The following CCBE1 variants were observed in gnomAD, a reference collection of about 807,000 sequenced individuals.
CCBE1 encodes the protein collagen and calcium-binding EGF domain-containing protein 1.
Under a neutral mutation model 50.0 loss-of-function variants are expected in CCBE1, and 37 were observed. The ratio of observed to expected loss-of-function variants is 0.74; its 90% CI spans 0.57 to 0.97. The LOEUF is 0.97. Among genes scored for constraint, CCBE1 ranks in the 50% least tolerant of loss-of-function variants. The pLI, the probability that CCBE1 is intolerant of heterozygous loss-of-function variation, is 0.00. For missense variants in CCBE1, 538 were observed against 523.8 expected, an observed-to-expected ratio of 1.03 and a Z score of -0.26; for synonymous variants, 234 against 203.7, an observed-to-expected ratio of 1.15 and a Z score of -1.27.
At position 59,469,520 on chromosome 18, in the gene CCBE1, C is replaced by T. The variant is rs115982879; in HGVS notation, c.353G>A (p.Arg118Gln). Reference sequence around the variant, plus strand: ...CTTCCGGTGTCTCTCCCGGTCATATCGGTATCCCGGATAACAAGTACACAG... The same window carrying T: ...CTTCCGGTGTCTCTCCCGGTCATATTGGTATCCCGGATAACAAGTACACAG... ...RVLCTCYPGY[R>Q]YDRERHRKRE... The change falls in exon 4 of 11, where the codon CGA becomes CAA. Residue 118 changes from arginine (R) to glutamine (Q), a missense_variant. Arg to Gln is a conservative substitution (Grantham distance 43). Coordinates refer to ENST00000439986, the MANE Select transcript of CCBE1 (RefSeq NM_133459.4). 6.8e-6 allele frequency: 11 copies of T among 1,614,200 alleles called. No homozygotes were observed. The highest frequency in any genetic ancestry group is 5.5e-5 in the South Asian group (5 of 91,080).
rs146267853 is a variant in CCBE1, at chr18:59,662,809, T to C, written c.212+33820A>G. Among the ~76,000 whole-genome samples the C allele has an allele frequency of 8.1e-4, 123 of 152,342 alleles. 2 individuals carry two copies. In the East Asian group the frequency reaches 0.021, roughly 26 times the overall value. ...AGGTAATACATAAAAAGGTGCTTTATACATTCTAAAATCCTGTGCAAACAT... is the reference window on the plus strand; with the variant it reads ...AGGTAATACATAAAAAGGTGCTTTACACATTCTAAAATCCTGTGCAAACAT... On this transcript the variant is annotated intron_variant, in intron 2 of 10. Transcript: ENST00000439986.
chr18:59,656,374 T>G (rs544388358), intron 2 of CCBE1, among the ~76,000 whole-genome samples: 267 of 152,360 alleles, frequency 1.8e-3, no homozygotes, highest in Non-Finnish European at 3.1e-3. Context: ...CTTATTTCAC[T>G]GCAGAACATG....
At chr18:59,613,517 A>G (rs1451364673) in intron 2 of CCBE1, among the ~76,000 whole-genome samples, 1 of 152,216 alleles carries the variant, frequency 6.6e-6, no homozygotes, top group Admixed American at 6.5e-5. Flanking sequence ...TACAAATTAC[A>G]CTCAATGTTT....
At chr18:59,452,550 A>G (rs1383036996) in intron 6 of CCBE1, among the ~76,000 whole-genome samples, 2 of 152,168 alleles carry the variant, frequency 1.3e-5, no homozygotes, top group Non-Finnish European at 2.9e-5. Context: ...CAGAGATCAC[A>G]CCACTGCACT....
At chr18:59,638,687 G>T (rs1555701527) in intron 2 of CCBE1, among the ~76,000 whole-genome samples, 1 of 152,132 alleles carries the variant, frequency 6.6e-6, no homozygotes, top group Non-Finnish European at 1.5e-5. Context: ...CAATCCACAA[G>T]TTATCACAAT....
At chr18:59,446,910 T>G (rs531358761) in intron 7 of CCBE1, among the ~76,000 whole-genome samples, 1 of 152,212 alleles carries the variant, frequency 6.6e-6, no homozygotes, top group African/African-American at 2.4e-5. Flanking sequence ...TAAGCAATGA[T>G]AGCCAGGGAT....
rs192729883 is a variant in CCBE1 at position 59,596,452 on chromosome 18, T to C, written c.212+100177A>G. On this transcript the variant is annotated intron_variant, in intron 2 of 10. Transcript: ENST00000439986. The stretch of plus-strand genomic sequence containing the variant: ...TTTCAATACCTAGATCATTTAGTAG[T>C]ATTTAAGATGAAAGAATATGGTATT... Among the ~76,000 whole-genome samples the C allele has an allele frequency of 3.3e-5, 5 of 152,302 alleles. No homozygotes were observed. In the East Asian group the frequency reaches 9.6e-4, roughly 29 times the overall value.
At chr18:59,596,758 C>T (rs1394062711) in intron 2 of CCBE1, among the ~76,000 whole-genome samples, 1 of 152,206 alleles carries the variant, frequency 6.6e-6, no homozygotes, top group Non-Finnish European at 1.5e-5. Context: ...TGTGACCCGA[C>T]CATCAATGAA....
chr18:59,481,029 C>T (rs549112456), intron 2 of CCBE1, among the ~76,000 whole-genome samples: 133 of 152,176 alleles, frequency 8.7e-4, no homozygotes, highest in African/African-American at 3.0e-3. Flanking sequence ...TCCAAAATAA[C>T]CTATATGTTG....
At chr18:59,513,504 C>T (rs140759486) in intron 2 of CCBE1, among the ~76,000 whole-genome samples, 44 of 152,296 alleles carry the variant, frequency 2.9e-4, no homozygotes, top group African/African-American at 1.0e-3. Context: ...TCAGGCCTAA[C>T]TTCAGTGTGG....
At chr18:59,660,735 T>G (rs9962751) in intron 2 of CCBE1, among the ~76,000 whole-genome samples, 1 of 151,510 alleles carries the variant, frequency 6.6e-6, no homozygotes, top group Admixed American at 6.6e-5. Context: ...GTATTTTTTT[T>G]AAATATGATA....
chr18:59,485,663 T>C (rs541610382), intron 2 of CCBE1, among the ~76,000 whole-genome samples: 1 of 151,878 alleles, frequency 6.6e-6, no homozygotes, highest in African/African-American at 2.4e-5. Context: ...CAGGCTGGAA[T>C]GCAGTGGCAT....
intron 6 of CCBE1, among the ~76,000 whole-genome samples, chr18:59,453,426 CT>C (rs1389325522): frequency 3.3e-5 from 5 of 152,154 alleles, no homozygotes; most frequent in African/African-American, 1.2e-4. Flanking sequence ...GGTTTTCTGC[CT>C]AGTCTTCCTA....
chr18:59,689,218 G>A (rs1010980342), intron 2 of CCBE1, among the ~76,000 whole-genome samples: 3 of 152,172 alleles, frequency 2.0e-5, no homozygotes, highest in Non-Finnish European at 2.9e-5. Flanking sequence ...GCCTCCTGTG[G>A]GACAGCCCAC....
At chr18:59,614,556 C>A (rs1051874288) in intron 2 of CCBE1, among the ~76,000 whole-genome samples, 1 of 152,170 alleles carries the variant, frequency 6.6e-6, no homozygotes, top group East Asian at 1.9e-4. Flanking sequence ...GAGCAGCAGA[C>A]GGCTGGGGCA....
chr18:59,659,474 T>G (rs1370930467), intron 2 of CCBE1, among the ~76,000 whole-genome samples: 3 of 152,174 alleles, frequency 2.0e-5, no homozygotes, highest in African/African-American at 7.2e-5. Flanking sequence ...AATCTCCCTG[T>G]TATTTCTAAG....
chr18:59,677,766 A>G (rs2054525983), intron 2 of CCBE1, among the ~76,000 whole-genome samples: 1 of 152,176 alleles, frequency 6.6e-6, no homozygotes, highest in South Asian at 2.1e-4. Context: ...GCAGGCCTCA[A>G]TGCTCTGGGC....
chr18:59,487,300 C>G (rs1257845427), intron 2 of CCBE1, among the ~76,000 whole-genome samples: 1 of 151,892 alleles, frequency 6.6e-6, no homozygotes, highest in Non-Finnish European at 1.5e-5. Context: ...AGAACATGAT[C>G]TCCTGGGGCT....
chr18:59,640,334 T>A (rs2053970276), intron 2 of CCBE1, among the ~76,000 whole-genome samples: 1 of 152,146 alleles, frequency 6.6e-6, no homozygotes, highest in African/African-American at 2.4e-5. Context: ...GCCATACCCC[T>A]ACAACCATCT....
Sources: allele counts gnomAD v4.1 joint callset (sites outside exome capture counted in the v4.1 genomes callset), GRCh38; gene constraint gnomAD v4.1.1; transcripts MANE v1.5; gene names NCBI Gene and HGNC (gene_info 2026-07-23, HGNC 2026-07-21).